The following MYO3A variants were observed in gnomAD, a reference collection of about 807,000 sequenced individuals.
MYO3A encodes the protein myosin-IIIa.
Under a neutral mutation model 192.7 loss-of-function variants are expected in MYO3A, and 180 were observed. That is an observed-to-expected ratio of 0.93 (90% confidence interval 0.83 to 1.06). The LOEUF (loss-of-function observed/expected upper bound fraction) is 1.06. Ranked by LOEUF, MYO3A falls within the 50% of genes least tolerant of loss-of-function variation. The pLI, the probability that MYO3A is intolerant of heterozygous loss-of-function variation, is 0.00. For missense variants in MYO3A, 1,896 were observed against 1,905.0 expected (o/e 1.00, Z 0.09); for synonymous variants, 628 against 645.3 (o/e 0.97, Z 0.41).
chr10:26,050,940 A>G (rs1843961586), intron 10 of MYO3A, among the ~76,000 whole-genome samples: 1 of 152,242 alleles, frequency 6.6e-6, no homozygotes, highest in South Asian at 2.1e-4. Context: ...ATAAAGGATC[A>G]TACATCACTT....
intron 4 of MYO3A, among the ~76,000 whole-genome samples, chr10:25,963,945 A>G (rs569332256): frequency 6.6e-5 from 10 of 152,198 alleles, no homozygotes; most frequent in Non-Finnish European, 1.5e-4. Flanking sequence ...ATGCACATTT[A>G]TAGTGTTACT....
chr10:26,205,315 A>C (rs569425286), intron 34 of MYO3A, among the ~76,000 whole-genome samples: 60 of 152,270 alleles, frequency 3.9e-4, no homozygotes, highest in Non-Finnish European at 8.4e-4. Context: ...CATTTCTATT[A>C]ACTATAGTCA....
In MYO3A at chr10:26,109,137, T is replaced by C. The variant is rs150207905; in HGVS notation, c.1777-11539T>C. Among the ~76,000 whole-genome samples, 4 of 152,312 alleles carry C rather than the reference T, an allele frequency of 2.6e-5. No homozygotes were observed. The East Asian group carries it at 5.8e-4, about 22-fold the overall frequency. On this transcript the variant is annotated intron_variant, in intron 17 of 34. Transcript: ENST00000642920. ...GAGAGATTTTGTTTTGTACAATCCA[T>C]GTAAGAATGGAAAATGTAGAATAAT...
At chr10:25,972,234 C>T (rs1838696511) in intron 4 of MYO3A, among the ~76,000 whole-genome samples, 1 of 151,816 alleles carries the variant, frequency 6.6e-6, no homozygotes, top group Non-Finnish European at 1.5e-5. Flanking sequence ...TTTTCATTTC[C>T]ATAACTGTAG....
At chr10:26,116,738 G>GCAC (rs1289589378) in intron 17 of MYO3A, among the ~76,000 whole-genome samples, 2 of 152,128 alleles carry the variant, frequency 1.3e-5, no homozygotes, top group Admixed American at 1.3e-4. Flanking sequence ...CTCAACCTCA[G>GCAC]TACTATTTAC....
chr10:25,997,307 A>T (rs776963972), intron 6 of MYO3A, 49 bp downstream of exon 6: 1 of 1,334,092 alleles, frequency 7.5e-7, no homozygotes, highest in South Asian at 1.2e-5. Flanking sequence ...ATGAACTAGT[A>T]TGATATGATT....
intron 10 of MYO3A, among the ~76,000 whole-genome samples, chr10:26,059,764 C>T (rs1834341897): frequency 6.6e-6 from 1 of 152,152 alleles, no homozygotes; most frequent in African/African-American, 2.4e-5. Context: ...GATTTTTTTC[C>T]ACATTCAGTA....
intron 14 of MYO3A, among the ~76,000 whole-genome samples, chr10:26,079,758 T>C (rs1485351424): frequency 3.3e-5 from 5 of 152,200 alleles, no homozygotes; most frequent in African/African-American, 1.2e-4. Context: ...AAAAAGACTG[T>C]ATCTTTCCTT....
intron 10 of MYO3A, among the ~76,000 whole-genome samples, chr10:26,051,577 T>C (rs1236013673): frequency 1.3e-5 from 2 of 148,200 alleles, no homozygotes; most frequent in African/African-American, 4.9e-5. Context: ...TATTATTTTA[T>C]ATATTAATAT....
At chr10:26,126,076 A>G (rs1007072110) in intron 19 of MYO3A, among the ~76,000 whole-genome samples, 7 of 152,184 alleles carry the variant, frequency 4.6e-5, no homozygotes, top group East Asian at 1.9e-4. Flanking sequence ...TGTAACTCCA[A>G]TGAAATTTGG....
At chr10:26,203,948 T>A (rs1589124297) in intron 34 of MYO3A, 1 of 152,352 alleles carries the variant, frequency 6.6e-6, no homozygotes, top group Non-Finnish European at 1.5e-5. Flanking sequence ...TTCATTTCCA[T>A]ATCTGCAAAA....
intron 18 of MYO3A, among the ~76,000 whole-genome samples, chr10:26,123,781 C>A (rs1344944704): frequency 2.6e-5 from 4 of 152,056 alleles, no homozygotes; most frequent in East Asian, 3.9e-4. Context: ...AAAAAAATAG[C>A]CAGGCGTGGT....
intron 32 of MYO3A, among the ~76,000 whole-genome samples, chr10:26,195,481 T>C (rs1465271721): frequency 6.6e-6 from 1 of 152,184 alleles, no homozygotes; most frequent in Non-Finnish European, 1.5e-5. Flanking sequence ...CCAATTATAC[T>C]ATCCTCCCAT....
At chr10:26,092,294 A>G (rs1836748524) in intron 15 of MYO3A, among the ~76,000 whole-genome samples, 1 of 152,028 alleles carries the variant, frequency 6.6e-6, no homozygotes, top group Admixed American at 6.6e-5. Context: ...GTGAAACCCC[A>G]TCTCTACTAA....
At chr10:26,203,516 T>C (rs1843773099) in intron 34 of MYO3A, among the ~76,000 whole-genome samples, 1 of 152,208 alleles carries the variant, frequency 6.6e-6, no homozygotes, top group African/African-American at 2.4e-5. Context: ...TCAGAATCAA[T>C]GATGTCAGAC....
At chr10:26,089,485 C>T (rs1298774055) in intron 15 of MYO3A, among the ~76,000 whole-genome samples, 1 of 151,728 alleles carries the variant, frequency 6.6e-6, no homozygotes, top group Non-Finnish European at 1.5e-5. Flanking sequence ...CTTGTAGCCC[C>T]AGCTACTCGG....
At chr10:26,211,211 C>G (rs1454040288) in intron 34 of MYO3A, among the ~76,000 whole-genome samples, 1 of 152,188 alleles carries the variant, frequency 6.6e-6, no homozygotes, top group Admixed American at 6.5e-5. Context: ...ATCTATGTAG[C>G]TGCATTTTTA....
chr10:26,154,519 A>G (rs181833264), intron 24 of MYO3A, among the ~76,000 whole-genome samples: 82 of 152,358 alleles, frequency 5.4e-4, no homozygotes, highest in Non-Finnish European at 9.7e-4. Context: ...AAGACCAACT[A>G]AAAATGTACT....
intron 3 of MYO3A, 114 bp downstream of exon 3, chr10:25,952,392 A>G (rs1309027392): frequency 4.2e-6 from 5 of 1,192,212 alleles, no homozygotes; most frequent in South Asian, 2.9e-5. Context: ...AACAGGTTAC[A>G]ATTTGAAGAT....
Sources: allele counts gnomAD v4.1 joint callset (sites outside exome capture counted in the v4.1 genomes callset), GRCh38; gene constraint gnomAD v4.1.1; transcripts MANE v1.5; gene names NCBI Gene and HGNC (gene_info 2026-07-23, HGNC 2026-07-21).